WDR49: variants seen among roughly 807,000 people sequenced by gnomAD.
WDR49 encodes WD repeat domain 49, also known as cilia- and flagella-associated protein 337.
A neutral mutation model predicts 119.5 loss-of-function variants in WDR49; 107 were observed. The ratio of observed to expected loss-of-function variants is 0.90; its 90% CI spans 0.77 to 1.05. WDR49 has a LOEUF of 1.05. Ranked by LOEUF, WDR49 falls within the 50% of genes least tolerant of loss-of-function variation. WDR49 has a pLI of 0.00. For missense variants in WDR49, 1,240 were observed against 1,220.5 expected (o/e 1.02, Z -0.24); for synonymous variants, 425 against 418.8 (o/e 1.01, Z -0.18).
At chr3:167,608,903 C>G (rs1374006065) in intron 5 of WDR49, among the ~76,000 whole-genome samples, 1 of 152,124 alleles carries the variant, frequency 6.6e-6, no homozygotes, top group South Asian at 2.1e-4. Context: ...CTCTTTCATT[C>G]TCTTGCCACA....
chr3:167,501,472 C>T (rs535724407), intron 17 of WDR49, among the ~76,000 whole-genome samples: 3 of 151,992 alleles, frequency 2.0e-5, no homozygotes, highest in African/African-American at 7.3e-5. Flanking sequence ...ATATCTATCT[C>T]GTGTAATCCT....
At chr3:167,649,438 G>A (rs1718272483) in intron 2 of WDR49, among the ~76,000 whole-genome samples, 1 of 152,180 alleles carries the variant, frequency 6.6e-6, no homozygotes, top group South Asian at 2.1e-4. Context: ...AGACCCTGCT[G>A]TAGAATGCTT....
At position 167,602,293 on chromosome 3, in the gene WDR49, G is replaced by T; in HGVS notation, c.1127-18C>A. On this transcript the variant is annotated intron_variant, in intron 6 of 18. Transcript: ENST00000682715. ...AGCAGTTGCTAATCAGAATTAGAAA[G>T]AAAAAAAATGTTTTTAATAGCATGA... 2 of 1,540,496 alleles carry T rather than the reference G, an allele frequency of 1.3e-6. No homozygotes were observed. Among genetic ancestry groups the T allele is most frequent in the South Asian group, 1.2e-5 (1 of 81,578 alleles).
At chr3:167,612,396 C>T (rs1577276693) in intron 5 of WDR49, among the ~76,000 whole-genome samples, 2 of 147,462 alleles carry the variant, frequency 1.4e-5, no homozygotes, top group Admixed American at 1.3e-4. Flanking sequence ...TTCAAATGAA[C>T]AATCCAATGG....
chr3:167,584,861 A>G (rs573684536), intron 7 of WDR49, among the ~76,000 whole-genome samples: 29 of 152,170 alleles, frequency 1.9e-4, no homozygotes, highest in South Asian at 1.9e-3. Flanking sequence ...TTTGTGTCTA[A>G]ATTTGTGTCT....
intron 3 of WDR49, among the ~76,000 whole-genome samples, chr3:167,622,052 T>C (rs1368595673): frequency 2.6e-5 from 4 of 152,140 alleles, no homozygotes; most frequent in African/African-American, 9.7e-5. Context: ...ACTCTATAAG[T>C]AGCTTTATCT....
At chr3:167,574,887 A>G (rs1336747240) in intron 8 of WDR49, among the ~76,000 whole-genome samples, 1 of 152,152 alleles carries the variant, frequency 6.6e-6, no homozygotes, top group Non-Finnish European at 1.5e-5. Flanking sequence ...TTTAGCAGGA[A>G]ATGTTTTCCC....
At chr3:167,504,107 G>A (rs1484174708) in intron 17 of WDR49, among the ~76,000 whole-genome samples, 1 of 152,182 alleles carries the variant, frequency 6.6e-6, no homozygotes, top group African/African-American at 2.4e-5. Flanking sequence ...TAGTAGAGGG[G>A]AAATGTGGGG....
At chr3:167,630,322 AT>A (rs1717315857) in intron 2 of WDR49, among the ~76,000 whole-genome samples, 2 of 152,232 alleles carry the variant, frequency 1.3e-5, no homozygotes, top group African/African-American at 4.8e-5. Context: ...GCAATAAAGT[AT>A]TTTTTAATTA....
chr3:167,575,827 G>T, intron 8 of WDR49, 91 bp downstream of exon 8: 1 of 1,322,390 alleles, frequency 7.6e-7, no homozygotes, highest in Non-Finnish European at 1.1e-6. Context: ...TACTATATTT[G>T]TCTTTCATTT....
intron 18 of WDR49, among the ~76,000 whole-genome samples, chr3:167,484,148 C>T (rs993602951): frequency 2.0e-5 from 3 of 152,056 alleles, no homozygotes; most frequent in African/African-American, 7.2e-5. Context: ...GTTATGAAGT[C>T]AAATATTAAT....
intron 10 of WDR49, among the ~76,000 whole-genome samples, chr3:167,552,626 T>C (rs1377125555): frequency 6.6e-6 from 1 of 151,982 alleles, no homozygotes; most frequent in Non-Finnish European, 1.5e-5. Context: ...GAGATTGCAG[T>C]CAGACACGTA....
At chr3:167,552,529 CAATT>C (rs1712636491) in intron 10 of WDR49, among the ~76,000 whole-genome samples, 2 of 151,900 alleles carry the variant, frequency 1.3e-5, no homozygotes, top group Admixed American at 1.3e-4. Flanking sequence ...GGGTCTCTGG[CAATT>C]AATTGAAGTT....
At chr3:167,554,136 A>G (rs1424682720) in intron 10 of WDR49, among the ~76,000 whole-genome samples, 1 of 152,132 alleles carries the variant, frequency 6.6e-6, no homozygotes, top group Non-Finnish European at 1.5e-5. Context: ...GGAAAAAAAA[A>G]GGAAGGAAAA....
At chr3:167,637,387 T>C (rs1231225970) in intron 2 of WDR49, among the ~76,000 whole-genome samples, 1 of 152,074 alleles carries the variant, frequency 6.6e-6, no homozygotes, top group Non-Finnish European at 1.5e-5. Flanking sequence ...GCTGTTTTGG[T>C]GACTATGGCC....
chr3:167,482,037 G>T (rs1239835177), intron 18 of WDR49, among the ~76,000 whole-genome samples: 1 of 152,168 alleles, frequency 6.6e-6, no homozygotes, highest in Non-Finnish European at 1.5e-5. Context: ...AGGACACATT[G>T]TGTACTAGGA....
At chr3:167,564,080 T>G (rs1015454729) in intron 8 of WDR49, among the ~76,000 whole-genome samples, 10 of 152,326 alleles carry the variant, frequency 6.6e-5, no homozygotes, top group Admixed American at 3.9e-4. Flanking sequence ...ATGTTCACTT[T>G]TTGCCATTTT....
At chr3:167,513,370 A>T (rs1327783550) in intron 16 of WDR49, among the ~76,000 whole-genome samples, 2 of 152,180 alleles carry the variant, frequency 1.3e-5, no homozygotes, top group Non-Finnish European at 2.9e-5. Flanking sequence ...AAGCTTAATA[A>T]GCAAAGGAGA....
intron 8 of WDR49, among the ~76,000 whole-genome samples, chr3:167,566,047 C>T (rs1267873479): frequency 6.6e-6 from 1 of 152,174 alleles, no homozygotes; most frequent in Non-Finnish European, 1.5e-5. Flanking sequence ...CTCTGCCTGA[C>T]TCTGAAACTC....
Sources: allele counts gnomAD v4.1 joint callset (sites outside exome capture counted in the v4.1 genomes callset), GRCh38; gene constraint gnomAD v4.1.1; transcripts MANE v1.5; gene names NCBI Gene and HGNC (gene_info 2026-07-23, HGNC 2026-07-21).